RBP2: variants seen among roughly 807,000 people sequenced by gnomAD.
The protein encoded by RBP2 is retinol binding protein 2.
In RBP2, 17 loss-of-function variants were observed where a neutral mutation model predicts 17.0. The observed-to-expected ratio is 1.00, with a 90% CI of 0.68 to 1.50. The LOEUF (loss-of-function observed/expected upper bound fraction) is 1.50, where lower values mean the gene tolerates loss of function less well. Ranked by LOEUF, RBP2 falls within the 40% of genes most tolerant of loss-of-function variation. RBP2 has a pLI of 0.00. For synonymous variants in RBP2, 48 were observed against 57.1 expected, an observed-to-expected ratio of 0.84 and a Z score of 0.72; for missense variants, 158 against 168.2, an observed-to-expected ratio of 0.94 and a Z score of 0.33.
intron 2 of RBP2, among the ~76,000 whole-genome samples, chr3:139,459,400 A>ATGTGTGTGTGTGTGTG (rs57107462): frequency 0.019 from 2,481 of 128,518 alleles, 35 homozygotes; most frequent in South Asian, 0.026. Context: ...TACTATATAT[A>ATGTGTGTGTGTGTGTG]TGTGTGTGTG....
At position 139,462,234 on chromosome 3, in the gene RBP2, C is replaced by G; in HGVS notation, c.130G>C (p.Asp44His). ...GTCTTGAAGTTATCACCATCTTGAT[C>G]AATAACCTTCGTCTGAGTGAGACGT... ...AVRLTQTKVIDQDGDNFKTKT... is the reference protein window; with the variant it reads ...AVRLTQTKVIHQDGDNFKTKT... The change falls in exon 2 of 4, where the codon GAT (aspartate) becomes CAT (histidine). Residue 44 changes from aspartate (D) to histidine (H), a missense_variant. Asp to His is a moderately conservative substitution (Grantham distance 81, BLOSUM62 -1). Transcript: ENST00000232217. 6.2e-7 allele frequency: 1 copy of G among 1,614,154 alleles called. No individual in the cohort carries two copies. The highest frequency in any genetic ancestry group is 8.5e-7 in the Non-Finnish European group (1 of 1,180,022).
rs1287123272 is a variant in RBP2, at chr3:139,454,749, C to G, written c.334G>C (p.Glu112Gln). The change falls in exon 3 of 4, where the codon GAG (glutamate) becomes CAG (glutamine). Residue 112 changes from glutamate to glutamine, a missense_variant. Glu to Gln is a conservative substitution (Grantham distance 29). Transcript: ENST00000232217. Reference sequence around the variant, plus strand: ...CTTACCAGGTACAGCTTGTCCCCCTCAATCCACTGCTTCCAGCCGCGGTTC... The same window carrying G: ...CTTACCAGGTACAGCTTGTCCCCCTGAATCCACTGCTTCCAGCCGCGGTTC... ...KENRGWKQWI[E>Q]GDKLYLELTC... 7 of 1,614,088 alleles carry G rather than the reference C, an allele frequency of 4.3e-6. No individual in the cohort carries two copies. Among genetic ancestry groups the G allele is most frequent in the Non-Finnish European group, 5.9e-6 (7 of 1,180,028 alleles).
At chr3:139,474,480 T>G (rs1559809295) in intron 1 of RBP2, among the ~76,000 whole-genome samples, 1 of 152,374 alleles carries the variant, frequency 6.6e-6, no homozygotes, top group South Asian at 2.1e-4. Flanking sequence ...TTTTTGTTAC[T>G]GAAGCATAAG....
intron 1 of RBP2, among the ~76,000 whole-genome samples, chr3:139,472,344 A>G (rs1247507864): frequency 6.6e-6 from 1 of 152,234 alleles, no homozygotes; most frequent in African/African-American, 2.4e-5. Context: ...TGCTGTTCTT[A>G]CAATGCAACC....
At chr3:139,466,635 T>A (rs997907713) in intron 1 of RBP2, 4 of 152,274 alleles carry the variant, frequency 2.6e-5, no homozygotes, top group Non-Finnish European at 5.9e-5. Context: ...CAGAGGGCAG[T>A]GGCCGTATGT....
chr3:139,467,931 C>T (rs911017718), intron 1 of RBP2, among the ~76,000 whole-genome samples: 3 of 152,166 alleles, frequency 2.0e-5, no homozygotes, highest in Admixed American at 1.3e-4. Flanking sequence ...TCAGTTTCCT[C>T]GCTCTATAGT....
intron 1 of RBP2, among the ~76,000 whole-genome samples, chr3:139,475,602 A>G (rs1027521666): frequency 5.3e-5 from 8 of 152,170 alleles, no homozygotes; most frequent in African/African-American, 1.9e-4. Flanking sequence ...CTTTAAAGCT[A>G]GAAGAGGTGA....
chr3:139,452,899 T>C lies in RBP2; in HGVS notation c.*217A>G. On this transcript the variant is annotated 3_prime_UTR_variant, in exon 4 of 4. Transcript: ENST00000232217. The stretch of plus-strand genomic sequence containing the variant: ...GAGATCCATATAAAGGGTTTCAAAA[T>C]ATGGGAGTAATTTTTGTTTTTCCAT... The C allele has an allele frequency of 1.7e-6, 1 of 576,398 alleles. No homozygotes were observed. Among genetic ancestry groups the C allele is most frequent in the Non-Finnish European group, 3.1e-6 (1 of 323,968 alleles). 35.7% of individuals were successfully genotyped at this position (576,398 alleles called of 1,614,324 possible).
chr3:139,459,516 G>T (rs1006341888), intron 2 of RBP2, among the ~76,000 whole-genome samples: 19 of 150,374 alleles, frequency 1.3e-4, no homozygotes, highest in Non-Finnish European at 4.4e-5. Context: ...CCAGCTACTT[G>T]GGAGGCTGAG....
At chr3:139,467,711 C>A (rs1308445931) in intron 1 of RBP2, among the ~76,000 whole-genome samples, 1 of 152,146 alleles carries the variant, frequency 6.6e-6, no homozygotes, top group Non-Finnish European at 1.5e-5. Flanking sequence ...CTGTTTGGGT[C>A]AAGTAGGGAC....
rs56943288 is a variant in RBP2, at chr3:139,459,833, AGTGTGTGTGTGTGTGT to A, written c.252+2263_252+2278del. ...TCACTCCCTACTAAGGGTGTGTGTG[AGTGTGTGTGTGTGTGT>A]GTGTGTGCATTCACTCTGGCTTTCT... On this transcript the variant is annotated intron_variant, in intron 2 of 3. Coordinates refer to ENST00000232217, the MANE Select transcript of RBP2 (RefSeq NM_004164.3). Among the ~76,000 whole-genome samples the A allele has an allele frequency of 7.5e-5, 10 of 134,002 alleles. No homozygotes were observed. In the Admixed American group the frequency reaches 7.5e-4, roughly 10 times the overall value. The allele number at this position is 134,002 out of a possible 152,430, so 87.9% of individuals were successfully genotyped here.
chr3:139,458,828 G>T (rs773444473), intron 2 of RBP2, among the ~76,000 whole-genome samples: 9 of 152,146 alleles, frequency 5.9e-5, no homozygotes, highest in Non-Finnish European at 1.2e-4. Flanking sequence ...CATTACATGG[G>T]TATCAATTGC....
chr3:139,469,450 C>T (rs1280744269), intron 1 of RBP2, among the ~76,000 whole-genome samples: 1 of 152,098 alleles, frequency 6.6e-6, no homozygotes, highest in Non-Finnish European at 1.5e-5. Context: ...GGAGCTGATG[C>T]CAACACATGC....
rs756217686 is a variant in RBP2, at chr3:139,454,785, C to G, written c.298G>C (p.Gly100Arg). The G allele has an allele frequency of 2.8e-5, 46 of 1,614,086 alleles. 1 individual carries two copies. Among genetic ancestry groups the G allele is most frequent in the Non-Finnish European group, 1.1e-5 (13 of 1,180,036 alleles). The change falls in exon 3 of 4, where the codon GGG (glycine) becomes CGG (arginine). Residue 100 changes from glycine to arginine, a missense_variant. Transcript: ENST00000232217. ...EGDVLVCVQK[G>R]EKENRGWKQW... is the part of the protein sequence containing the mutation. ...TTCCAGCCGCGGTTCTCCTTCTCCC[C>G]CTTTTGCACACACACAAGGACATCA...
chr3:139,474,727 G>A (rs992215972), intron 1 of RBP2, among the ~76,000 whole-genome samples: 19 of 152,192 alleles, frequency 1.2e-4, no homozygotes, highest in Admixed American at 1.1e-3. Flanking sequence ...CGGTCACAGA[G>A]CAAGCCCTGG....
chr3:139,460,510 C>A (rs1043113101), intron 2 of RBP2, among the ~76,000 whole-genome samples: 1 of 152,206 alleles, frequency 6.6e-6, no homozygotes, highest in Non-Finnish European at 1.5e-5. Flanking sequence ...GCTCTCTTGG[C>A]TTTTAATTGT....
At chr3:139,472,021 T>TG (rs1933585183) in intron 1 of RBP2, among the ~76,000 whole-genome samples, 1 of 152,228 alleles carries the variant, frequency 6.6e-6, no homozygotes, top group Non-Finnish European at 1.5e-5. Context: ...TCCTTGCACT[T>TG]CACTCCTTGG....
Position 139,453,057 on chromosome 3 carries a change from G to A in RBP2, c.*59C>T, listed in dbSNP as rs1296313680. 1.3e-6 allele frequency: 2 copies of A among 1,598,854 alleles called. No individual in the cohort carries two copies. Among genetic ancestry groups the A allele is most frequent in the Non-Finnish European group, 1.7e-6 (2 of 1,166,264 alleles). ...TCCCCACAGCTGTTTCTCAAAGCCA[G>A]TAGACCACTCAGTGTGGGCAGTGGG... is the stretch of plus-strand genomic sequence containing the variant. On this transcript the variant is annotated 3_prime_UTR_variant, in exon 4 of 4. Coordinates refer to ENST00000232217, the MANE Select transcript of RBP2 (RefSeq NM_004164.3).
chr3:139,474,416 G>T (rs991996500), intron 1 of RBP2, among the ~76,000 whole-genome samples: 1 of 152,138 alleles, frequency 6.6e-6, no homozygotes, highest in Non-Finnish European at 1.5e-5. Flanking sequence ...GGTCCACTCT[G>T]CAGAGCCATA....
Sources: gnomAD v4.1 joint callset for allele counts (sites outside exome capture counted in the v4.1 genomes callset) on GRCh38, gnomAD v4.1.1 for gene constraint, MANE v1.5 for transcripts, NCBI Gene and HGNC (gene_info 2026-07-23, HGNC 2026-07-21) for gene names.